Variants in KCP observed in about 807,000 individuals in gnomAD.
KCP encodes the protein kielin/chordin-like protein.
KCP carries 194 observed loss-of-function variants against 212.7 expected under a neutral mutation model. The ratio of observed to expected loss-of-function variants is 0.91; its 90% CI spans 0.81 to 1.03. The LOEUF (loss-of-function observed/expected upper bound fraction) is 1.03, where lower values mean the gene tolerates loss of function less well. Among genes scored for constraint, KCP ranks in the 50% least tolerant of loss-of-function variants. The pLI, the probability that KCP is intolerant of heterozygous loss-of-function variation, is 0.00. For synonymous variants in KCP, 833 were observed against 865.3 expected, an observed-to-expected ratio of 0.96 and a Z score of 0.65; for missense variants, 2,080 against 2,162.5, an observed-to-expected ratio of 0.96 and a Z score of 0.76.
chr7:128,880,144 A>T (rs1793238728), intron 34 of KCP, 59 bp from the exon 35 acceptor site: 1 of 1,454,824 alleles, frequency 6.9e-7, no homozygotes, highest in Non-Finnish European at 9.1e-7. Flanking sequence ...CCTCTCGCAG[A>T]CCCTCCCAGA....
rs1332711224 is a variant in KCP at position 128,890,347 on chromosome 7, ACAGT to A, written c.2327_2330del (p.Asp776ValfsTer12). On this transcript the variant is annotated frameshift_variant, in exon 21 of 40. Transcript: ENST00000610776. LOFTEE classifies it high-confidence loss of function. ...TCCCTATCCCATGACCCTCACCATC[ACAGT>A]CAGGGCAGCAGTCGCCCCTGGCAGG... is the stretch of plus-strand genomic sequence containing the variant. The A allele has an allele frequency of 2.6e-6, 4 of 1,551,264 alleles. No homozygotes were observed. The highest frequency in any genetic ancestry group is 3.9e-5 in the Admixed American group (2 of 50,982).
Position 128,902,830 on chromosome 7 carries a change from G to A in KCP, c.778C>T (p.His260Tyr), listed in dbSNP as rs1164713865. The change falls in exon 8 of 40, where the codon CAT becomes TAT. Residue 260 changes from histidine (H) to tyrosine (Y), a missense_variant. By Grantham distance (83) the His-to-Tyr change is moderately conservative (BLOSUM62 2). Coordinates refer to ENST00000610776, the MANE Select transcript of KCP (RefSeq NM_001366122.1). ...CCAGGTGTTGTCCACTCTTGGCCAT[G>A]TTCCCAGTGAGAGCCACCTTCTGTG... ...GCTEGGSHWE[H>Y]GQEWTTPGDP... 3 of 1,551,510 alleles carry A rather than the reference G, an allele frequency of 1.9e-6. No homozygotes were observed. The highest frequency in any genetic ancestry group is 2.6e-6 in the Non-Finnish European group (3 of 1,147,012).
At position 128,877,158 on chromosome 7, in the gene KCP, AC is replaced by A; in HGVS notation, c.4771del (p.Val1591TrpfsTer63). 6.7e-7 allele frequency: 1 copy of A among 1,498,828 alleles called. No individual in the cohort carries two copies. The highest frequency in any genetic ancestry group is 2.6e-5 in the Admixed American group (1 of 38,422). 92.8% of individuals were successfully genotyped at this position (1,498,828 alleles called of 1,614,324 possible). A position where few individuals can be genotyped will look rare whatever the true frequency, so the allele number is the denominator to read the frequency against. On this transcript the variant is annotated frameshift_variant, in exon 40 of 40. Coordinates refer to ENST00000610776, the MANE Select transcript of KCP (RefSeq NM_001366122.1). LOFTEE classifies it low-confidence loss of function (END_TRUNC). Reference protein sequence around the residue: ...VPGCQCPAGLVEHEAHCIPPE... With the variant: ...VPGCQCPAGLXEHEAHCIPPE... ...TGGGATGCAGTGGGCCTCATGCTCC[AC>A]CAGGCCTGCAGGGCACTGGCAGCCG...
chr7:128,902,447 GCA>G (rs1312424006), intron 8 of KCP, among the ~76,000 whole-genome samples: 1 of 152,244 alleles, frequency 6.6e-6, no homozygotes, highest in Non-Finnish European at 1.5e-5. Context: ...GAATTGGACA[GCA>G]CAGTTTTAGA....
rs564106842 is a variant in KCP, at chr7:128,896,868, C to T, written c.832-2575G>A. Among the ~76,000 whole-genome samples the T allele has an allele frequency of 7.7e-4, 97 of 126,338 alleles. 1 individual carries two copies. In the Admixed American group the frequency reaches 9.2e-3, roughly 12 times the overall value. The allele number at this position is 126,338 out of a possible 152,430, so 82.9% of individuals were successfully genotyped here. On this transcript the variant is annotated intron_variant, in intron 8 of 39. Coordinates refer to ENST00000610776, the MANE Select transcript of KCP (RefSeq NM_001366122.1). Reference sequence around the variant, plus strand: ...ATGGCGCCATTTCACTCCAGCCTGGCGACAGAGCAAGACTCCATCTCAAAA... The same window carrying T: ...ATGGCGCCATTTCACTCCAGCCTGGTGACAGAGCAAGACTCCATCTCAAAA...
chr7:128,907,578 TC>T, intron 2 of KCP, 125 bp from the exon 3 acceptor site: 1 of 567,638 alleles, frequency 1.8e-6, no homozygotes, highest in Non-Finnish European at 2.8e-6. Context: ...CAGAGATGGG[TC>T]CCCCTCGGTC....
chr7:128,877,928 T>G, intron 38 of KCP, 138 bp from the exon 39 acceptor site: 1 of 760,698 alleles, frequency 1.3e-6, no homozygotes, highest in African/African-American at 1.8e-5. Flanking sequence ...AATGAAGTAC[T>G]GTCTACCTTC....
In KCP at chr7:128,891,281, A is replaced by G; in HGVS notation, c.1879-3T>C. The G allele has an allele frequency of 1.9e-6, 3 of 1,547,344 alleles. No individual in the cohort carries two copies. The highest frequency in any genetic ancestry group is 2.6e-6 in the Non-Finnish European group (3 of 1,146,636). On this transcript the variant is annotated splice_polypyrimidine_tract_variant and splice_region_variant and intron_variant, in intron 18 of 39. Coordinates refer to ENST00000610776, the MANE Select transcript of KCP (RefSeq NM_001366122.1). ...GCCAGGCACTGCACGTTGCCGCTCT[A>G]CGGACCGACAGACGCACCACGGGTC...
intron 8 of KCP, among the ~76,000 whole-genome samples, chr7:128,894,931 T>G (rs1794426149): frequency 6.6e-6 from 1 of 152,050 alleles, no homozygotes; most frequent in African/African-American, 2.4e-5. Flanking sequence ...AAGGGGAAAT[T>G]CACACACAGA....
In KCP at chr7:128,886,942, T is replaced by C; in HGVS notation, c.2623A>G (p.Lys875Glu). 1 of 1,529,410 alleles carries C rather than the reference T, an allele frequency of 6.5e-7. No homozygotes were observed. Among genetic ancestry groups the C allele is most frequent in the Non-Finnish European group, 8.8e-7 (1 of 1,132,088 alleles). The allele number at this position is 1,529,410 out of a possible 1,614,324, so 94.7% of individuals were successfully genotyped here. The change falls in exon 24 of 40, where the codon AAG becomes GAG. Residue 875 changes from lysine to glutamate, a missense_variant. Physicochemically the swap from Lys to Glu is moderately conservative, Grantham distance 56. Coordinates refer to ENST00000610776, the MANE Select transcript of KCP (RefSeq NM_001366122.1). Reference sequence around the variant, plus strand: ...GGGCAGAGAGCTGGGGGACATGGCTTCTTCTGGCAGCGCATGGAACCTTCC... The same window carrying C: ...GGGCAGAGAGCTGGGGGACATGGCTCCTTCTGGCAGCGCATGGAACCTTCC... Reference protein sequence around the residue: ...CQEGSMRCQKKPCPPALCPHP... With the variant: ...CQEGSMRCQKEPCPPALCPHP...
chr7:128,903,589 T>C (rs1228209541), intron 7 of KCP, 138 bp downstream of exon 7: 1 of 645,602 alleles, frequency 1.5e-6, no homozygotes, highest in African/African-American at 1.8e-5. Context: ...TAGGTGGCAA[T>C]GGCAGAATTT....
chr7:128,882,698 C>T (rs901496309), intron 29 of KCP, among the ~76,000 whole-genome samples: 6 of 152,132 alleles, frequency 3.9e-5, no homozygotes, highest in Non-Finnish European at 7.3e-5. Flanking sequence ...TTTAATACCA[C>T]AAACTGTACA....
At chr7:128,887,136 G>T in intron 23 of KCP, 79 bp downstream of exon 23, 2 of 1,295,772 alleles carry the variant, frequency 1.5e-6, no homozygotes, top group Non-Finnish European at 2.2e-6. Flanking sequence ...CCACCTGAGT[G>T]GAGGAGACAG....
intron 26 of KCP, among the ~76,000 whole-genome samples, chr7:128,886,091 CAG>C (rs1201824690): frequency 3.9e-5 from 6 of 152,112 alleles, no homozygotes; most frequent in African/African-American, 1.4e-4. Flanking sequence ...ATTTTTTAGA[CAG>C]AGTCTTCTTT....
intron 27 of KCP, 27 bp downstream of exon 27, chr7:128,885,070 T>C: frequency 6.5e-7 from 1 of 1,550,238 alleles, no homozygotes; most frequent in South Asian, 1.2e-5. Context: ...TCCTCGCCTT[T>C]CCCCTCCCGC....
intron 29 of KCP, among the ~76,000 whole-genome samples, chr7:128,882,375 C>G (rs999116828): frequency 6.6e-6 from 1 of 152,134 alleles, no homozygotes; most frequent in Non-Finnish European, 1.5e-5. Flanking sequence ...GGGAAGCACA[C>G]AGCCAGGCAT....
At chr7:128,900,231 T>C (rs1325676596) in intron 8 of KCP, among the ~76,000 whole-genome samples, 1 of 152,194 alleles carries the variant, frequency 6.6e-6, no homozygotes, top group Non-Finnish European at 1.5e-5. Context: ...AGTGTTACCA[T>C]GATTAGTCTT....
intron 5 of KCP, among the ~76,000 whole-genome samples, chr7:128,904,936 G>T (rs1024152125): frequency 1.3e-5 from 2 of 151,960 alleles, no homozygotes; most frequent in Non-Finnish European, 2.9e-5. Flanking sequence ...TTTCACCAAA[G>T]ACATCATATA....
Position 128,892,527 on chromosome 7 carries a change from G to A in KCP, c.1608C>T (p.Cys536=), listed in dbSNP as rs1433608940. The part of the protein sequence containing the change: ...ARPQSGPGQC[C]PRCPDCILEE... Reference sequence around the variant, plus strand: ...GTGCCCACATACCTGGGCACCTGGGGCAACACTGGCCTGGTCCACTCTGGG... The same window carrying A: ...GTGCCCACATACCTGGGCACCTGGGACAACACTGGCCTGGTCCACTCTGGG... Residue 536 remains cysteine, a synonymous_variant, in exon 16 of 40, where the codon TGC becomes TGT. Coordinates refer to ENST00000610776, the MANE Select transcript of KCP (RefSeq NM_001366122.1). 1 of 1,533,996 alleles carries A rather than the reference G, an allele frequency of 6.5e-7. No individual in the cohort carries two copies. The highest frequency in any genetic ancestry group is 1.4e-5 in the African/African-American group (1 of 72,942).
Sources: gnomAD v4.1 joint callset for allele counts (sites outside exome capture counted in the v4.1 genomes callset) on GRCh38, gnomAD v4.1.1 for gene constraint, MANE v1.5 for transcripts, NCBI Gene and HGNC (gene_info 2026-07-23, HGNC 2026-07-21) for gene names.